The following KCNIP4 variants were observed in gnomAD, a reference collection of about 807,000 sequenced individuals.
KCNIP4 encodes the protein potassium voltage-gated channel interacting protein 4, also known as Kv channel-interacting protein 4.
In KCNIP4, 12 loss-of-function variants were observed where a neutral mutation model predicts 34.0. The observed-to-expected ratio is 0.35, with a 90% CI of 0.23 to 0.57. The LOEUF is 0.57. Among genes scored for constraint, KCNIP4 ranks in the 20% least tolerant of loss-of-function variants. The pLI is 0.83. For missense variants in KCNIP4, 238 were observed against 311.7 expected (o/e 0.76, Z 1.78); for synonymous variants, 124 against 102.2 (o/e 1.21, Z -1.29).
intron 1 of KCNIP4, among the ~76,000 whole-genome samples, chr4:21,717,886 A>T (rs962542502): frequency 6.6e-6 from 1 of 152,088 alleles, no homozygotes; most frequent in Non-Finnish European, 1.5e-5. Flanking sequence ...TTAATGCATC[A>T]CCAGCTTAGA....
intron 1 of KCNIP4, among the ~76,000 whole-genome samples, chr4:21,655,107 T>G (rs564087822): frequency 1.2e-4 from 19 of 152,208 alleles, no homozygotes; most frequent in East Asian, 3.9e-4. Flanking sequence ...AGGGGCCTAA[T>G]GTACTATTCC....
chr4:20,827,706 C>T (rs1232794667), intron 3 of KCNIP4, among the ~76,000 whole-genome samples: 1 of 151,702 alleles, frequency 6.6e-6, no homozygotes, highest in Non-Finnish European at 1.5e-5. Flanking sequence ...AATCATCCTT[C>T]ACATAAGTCT....
intron 3 of KCNIP4, among the ~76,000 whole-genome samples, chr4:20,790,303 G>C (rs1178905990): frequency 1.3e-5 from 2 of 152,126 alleles, no homozygotes; most frequent in Admixed American, 1.3e-4. Flanking sequence ...AATGAATAGT[G>C]AGTGAATGTG....
At chr4:21,239,348 T>G (rs867451089) in intron 1 of KCNIP4, among the ~76,000 whole-genome samples, 2 of 150,922 alleles carry the variant, frequency 1.3e-5, no homozygotes, top group Non-Finnish European at 3.0e-5. Flanking sequence ...CCAAAAGCAA[T>G]GGCAACAAAA....
At chr4:21,438,203 G>A (rs1462323600) in intron 1 of KCNIP4, among the ~76,000 whole-genome samples, 6 of 152,112 alleles carry the variant, frequency 3.9e-5, no homozygotes, top group Admixed American at 3.9e-4. Context: ...TGAGGCCCAG[G>A]AAAGAGACAC....
intron 1 of KCNIP4, among the ~76,000 whole-genome samples, chr4:21,421,077 A>G (rs925571650): frequency 1.3e-5 from 2 of 152,226 alleles, no homozygotes; most frequent in African/African-American, 4.8e-5. Context: ...AATCAAAACC[A>G]CAATAATATA....
At chr4:21,345,823 C>G (rs1195666652) in intron 1 of KCNIP4, among the ~76,000 whole-genome samples, 1 of 151,952 alleles carries the variant, frequency 6.6e-6, no homozygotes, top group South Asian at 2.1e-4. Flanking sequence ...GTTTAAATGA[C>G]TAGTTATCCA....
intron 1 of KCNIP4, among the ~76,000 whole-genome samples, chr4:21,519,748 CGT>C (rs1194087726): frequency 4.4e-5 from 5 of 114,698 alleles, no homozygotes; most frequent in African/African-American, 1.5e-4. Context: ...ATGATACACA[CGT>C]GTGTGTATGT....
rs572208486 is a variant in KCNIP4, at chr4:21,159,027, C to G, written c.62-276318G>C. 9.9e-5 allele frequency among the ~76,000 whole-genome samples: 15 copies of G among 151,970 alleles called. No individual in the cohort carries two copies. The East Asian group carries it at 2.5e-3, about 26-fold the overall frequency. ...AACTTAGTAAAGTTATCAATTTTCCCCAAATTGATTTACAGAGTCAATAAA... is the reference window on the plus strand; with the variant it reads ...AACTTAGTAAAGTTATCAATTTTCCGCAAATTGATTTACAGAGTCAATAAA... On this transcript the variant is annotated intron_variant, in intron 1 of 8. Coordinates refer to ENST00000382152, the MANE Select transcript of KCNIP4 (RefSeq NM_025221.6).
chr4:21,264,715 A>G (rs1407045048), intron 1 of KCNIP4, among the ~76,000 whole-genome samples: 2 of 152,194 alleles, frequency 1.3e-5, no homozygotes, highest in Non-Finnish European at 2.9e-5. Context: ...AAAATAAATG[A>G]AAGATATTAT....
At chr4:21,190,954 C>G (rs978874007) in intron 1 of KCNIP4, among the ~76,000 whole-genome samples, 3 of 152,172 alleles carry the variant, frequency 2.0e-5, no homozygotes, top group African/African-American at 7.2e-5. Flanking sequence ...CAGCAGTAAT[C>G]CTTCCCTGGA....
At chr4:21,619,868 A>G (rs1744886888) in intron 1 of KCNIP4, among the ~76,000 whole-genome samples, 1 of 152,212 alleles carries the variant, frequency 6.6e-6, no homozygotes, top group African/African-American at 2.4e-5. Context: ...AGTAGATCAC[A>G]ATTGCAGCCA....
At chr4:21,921,333 C>T (rs9998048) in intron 1 of KCNIP4, among the ~76,000 whole-genome samples, 36,969 of 151,706 alleles carry the variant, frequency 0.24, 5,421 homozygotes, top group East Asian at 0.61. Flanking sequence ...GTATGCCTCA[C>T]CTTCTTCTCT....
intron 1 of KCNIP4, among the ~76,000 whole-genome samples, chr4:21,865,956 C>T (rs1047050862): frequency 6.6e-6 from 1 of 150,478 alleles, no homozygotes; most frequent in Non-Finnish European, 1.5e-5. Context: ...CAAATGTATG[C>T]TATATATATA....
intron 1 of KCNIP4, among the ~76,000 whole-genome samples, chr4:20,931,079 T>C (rs1344063267): frequency 6.6e-6 from 1 of 152,012 alleles, no homozygotes; most frequent in Non-Finnish European, 1.5e-5. Context: ...TGTAAAGATA[T>C]CTGCACTCCC....
At chr4:20,812,380 G>A (rs2149434657) in intron 3 of KCNIP4, among the ~76,000 whole-genome samples, 1 of 152,226 alleles carries the variant, frequency 6.6e-6, no homozygotes, top group African/African-American at 2.4e-5. Flanking sequence ...AAGCTGAAGA[G>A]GATGGATGGC....
At chr4:21,904,728 A>T (rs1727897301) in intron 1 of KCNIP4, among the ~76,000 whole-genome samples, 1 of 152,104 alleles carries the variant, frequency 6.6e-6, no homozygotes, top group Non-Finnish European at 1.5e-5. Flanking sequence ...TTTTGGATGA[A>T]ATCATTTTTT....
At chr4:21,064,030 A>C (rs143516342) in intron 1 of KCNIP4, among the ~76,000 whole-genome samples, 5 of 152,294 alleles carry the variant, frequency 3.3e-5, no homozygotes, top group African/African-American at 9.6e-5. Flanking sequence ...GAAACTTGAA[A>C]ATAATTAATT....
At chr4:21,768,935 A>T (rs1560700252) in intron 1 of KCNIP4, among the ~76,000 whole-genome samples, 2 of 151,912 alleles carry the variant, frequency 1.3e-5, no homozygotes, top group East Asian at 1.9e-4. Context: ...AACATTTGGA[A>T]TTTTTTTCAA....
Sources: allele counts gnomAD v4.1 joint callset (sites outside exome capture counted in the v4.1 genomes callset), GRCh38; gene constraint gnomAD v4.1.1; transcripts MANE v1.5; gene names NCBI Gene and HGNC (gene_info 2026-07-23, HGNC 2026-07-21).